MPP7: variants seen among roughly 807,000 people sequenced by gnomAD.
MPP7 encodes the protein MAGUK p55 scaffold protein 7, also known as MAGUK p55 subfamily member 7.
In MPP7, 60 loss-of-function variants were observed where a neutral mutation model predicts 76.5. The ratio of observed to expected loss-of-function variants is 0.78; its 90% confidence interval spans 0.64 to 0.97. The LOEUF is 0.97. MPP7 is among the 50% of genes least tolerant of loss of function. The pLI is 0.00. For missense variants in MPP7, 641 were observed against 694.0 expected, an observed-to-expected ratio of 0.92 and a Z score of 0.86; for synonymous variants, 237 against 244.5, an observed-to-expected ratio of 0.97 and a Z score of 0.29.
intron 4 of MPP7, among the ~76,000 whole-genome samples, chr10:28,148,544 A>C (rs1835780658): frequency 6.6e-6 from 1 of 152,230 alleles, no homozygotes; most frequent in South Asian, 2.1e-4. Context: ...AGAAGGGCAT[A>C]ATATAAATTG....
In MPP7 at chr10:28,074,576, C is replaced by T. The variant is rs552411191; in HGVS notation, c.1124-4724G>A. On this transcript the variant is annotated intron_variant, in intron 12 of 16. Transcript: ENST00000683449. The stretch of plus-strand genomic sequence containing the variant: ...CTTCCCAAAGCGCTGGGATTACAGG[C>T]ATGAACCACAATGCCCATTCTAAAG... Among the ~76,000 whole-genome samples the T allele has an allele frequency of 4.6e-5, 7 of 152,252 alleles. No homozygotes were observed. The East Asian group carries it at 1.2e-3, about 25-fold the overall frequency.
At position 28,260,414 on chromosome 10, in the gene MPP7, T is replaced by C. The variant is rs1319181595; in HGVS notation, c.-131-21679A>G. ...AATGGTTCTTTCCTTCAATCACTTG[T>C]CAAGATAAAGAAATCTAAAACATAT... On this transcript the variant is annotated intron_variant, in intron 1 of 16. Coordinates refer to ENST00000683449, the MANE Select transcript of MPP7 (RefSeq NM_001318170.2). 3.9e-5 allele frequency among the ~76,000 whole-genome samples: 6 copies of C among 152,256 alleles called. No homozygotes were observed. The South Asian group carries it at 1.2e-3, about 32-fold the overall frequency.
chr10:28,110,013 T>C (rs1446267400), intron 11 of MPP7, among the ~76,000 whole-genome samples: 2 of 151,924 alleles, frequency 1.3e-5, no homozygotes, highest in African/African-American at 2.4e-5. Flanking sequence ...CCTCCAACTT[T>C]CTTCAGTGGT....
At chr10:28,304,370 G>A (rs538541855), upstream of MPP7, among the ~76,000 whole-genome samples, 8 of 152,148 alleles carry the variant, frequency 5.3e-5, no homozygotes, top group Non-Finnish European at 1.2e-4. Context: ...CGTGAATTAC[G>A]TAATAGTGAA....
intron 1 of MPP7, among the ~76,000 whole-genome samples, chr10:28,262,226 C>CATATATATATATAT: frequency 2.3e-5 from 1 of 42,652 alleles, no homozygotes; most frequent in Non-Finnish European, 3.8e-5. Context: ...TATATATATA[C>CATATATATATATAT]ATATATATAT....
At chr10:28,057,429 T>C (rs1326893799) in intron 15 of MPP7, among the ~76,000 whole-genome samples, 2 of 151,908 alleles carry the variant, frequency 1.3e-5, no homozygotes, top group Non-Finnish European at 2.9e-5. Context: ...TGTTTAAAAG[T>C]GTGTGGCACC....
chr10:28,318,364 AAC>A (rs1413524588), intron 2 of MPP7, among the ~76,000 whole-genome samples: 2 of 152,230 alleles, frequency 1.3e-5, no homozygotes, highest in African/African-American at 4.8e-5. Context: ...TGTGTAACAT[AAC>A]ACAGCACAGT....
intron 11 of MPP7, among the ~76,000 whole-genome samples, chr10:28,091,597 T>G (rs1853308555): frequency 6.6e-6 from 1 of 152,188 alleles, no homozygotes; most frequent in African/African-American, 2.4e-5. Context: ...CATAGATATC[T>G]TTTTTATAAA....
At chr10:28,216,171 A>G (rs1466509493) in intron 2 of MPP7, among the ~76,000 whole-genome samples, 2 of 151,810 alleles carry the variant, frequency 1.3e-5, no homozygotes, top group Non-Finnish European at 2.9e-5. Flanking sequence ...TAAATCCAGG[A>G]GTATGGGACC....
At chr10:28,199,354 G>A (rs994603730) in intron 3 of MPP7, among the ~76,000 whole-genome samples, 10 of 152,060 alleles carry the variant, frequency 6.6e-5, no homozygotes, top group African/African-American at 1.7e-4. Context: ...CATGCTCACC[G>A]TTTTTATTAT....
At chr10:28,165,180 CTGTGACTA>C (rs2133839635) in intron 3 of MPP7, among the ~76,000 whole-genome samples, 1 of 152,224 alleles carries the variant, frequency 6.6e-6, no homozygotes, top group South Asian at 2.1e-4. Flanking sequence ...TCGCCCGAGC[CTGTGACTA>C]TGTTACCTCA....
At chr10:28,330,677 TG>T (rs1371844376) in intron 1 of MPP7, among the ~76,000 whole-genome samples, 1 of 152,092 alleles carries the variant, frequency 6.6e-6, no homozygotes, top group Non-Finnish European at 1.5e-5. Flanking sequence ...TTTTTTAAGA[TG>T]GGATCTTGCT....
intron 1 of MPP7, among the ~76,000 whole-genome samples, chr10:28,258,092 C>T (rs1023111835): frequency 6.6e-6 from 1 of 151,624 alleles, no homozygotes; most frequent in Non-Finnish European, 1.5e-5. Context: ...ACACTTAACC[C>T]ACACCTTCTA....
At chr10:28,254,116 T>G (rs1350561974) in intron 1 of MPP7, among the ~76,000 whole-genome samples, 1 of 151,964 alleles carries the variant, frequency 6.6e-6, no homozygotes, top group Non-Finnish European at 1.5e-5. Flanking sequence ...GGGACAATGT[T>G]TCAAAAGATT....
At chr10:28,075,132 TAAAC>T (rs1401386398) in intron 12 of MPP7, among the ~76,000 whole-genome samples, 1 of 151,982 alleles carries the variant, frequency 6.6e-6, no homozygotes, top group East Asian at 1.9e-4. Context: ...CACACACATT[TAAAC>T]AAACAGATCT....
intron 12 of MPP7, among the ~76,000 whole-genome samples, chr10:28,084,471 C>T (rs1221363962): frequency 2.6e-5 from 4 of 152,198 alleles, no homozygotes; most frequent in African/African-American, 7.2e-5. Context: ...GTTAGAAATG[C>T]AGGCTCTCTG....
intron 11 of MPP7, among the ~76,000 whole-genome samples, chr10:28,095,395 T>C (rs1355200013): frequency 1.3e-5 from 2 of 151,984 alleles, no homozygotes; most frequent in Non-Finnish European, 2.9e-5. Context: ...GCCTGCCCCA[T>C]ACTCCTAACG....
At chr10:28,090,887 A>C (rs1853264265) in intron 11 of MPP7, among the ~76,000 whole-genome samples, 1 of 152,206 alleles carries the variant, frequency 6.6e-6, no homozygotes, top group Non-Finnish European at 1.5e-5. Flanking sequence ...TCATGCCTAT[A>C]ATCCCAGCAC....
At position 28,148,102 on chromosome 10, in the gene MPP7, TGAA is replaced by T. The variant is rs1281273570; in HGVS notation, c.235-542_235-540del. Among the ~76,000 whole-genome samples, 21 of 152,270 alleles carry T rather than the reference TGAA, an allele frequency of 1.4e-4. No individual in the cohort carries two copies. In the East Asian group the frequency reaches 3.7e-3, roughly 27 times the overall value. On this transcript the variant is annotated intron_variant, in intron 4 of 16. Transcript: ENST00000683449. ...CTTTTATTATGTTTACCTATACAGA[TGAA>T]GAAATCTGTTAAATACCAACCAATC...
Sources: gnomAD v4.1 joint callset for allele counts (sites outside exome capture counted in the v4.1 genomes callset) on GRCh38, gnomAD v4.1.1 for gene constraint, MANE v1.5 for transcripts, NCBI Gene and HGNC (gene_info 2026-07-23, HGNC 2026-07-21) for gene names.